The following PIK3C2G variants were observed in gnomAD, a reference collection of about 807,000 sequenced individuals.
PIK3C2G encodes phosphatidylinositol 3-kinase C2 domain-containing subunit gamma.
A neutral mutation model predicts 181.1 loss-of-function variants in PIK3C2G; 168 were observed. The ratio of observed to expected loss-of-function variants is 0.93; its 90% confidence interval spans 0.82 to 1.05. The LOEUF is 1.05. Ranked by LOEUF, PIK3C2G falls within the 50% of genes least tolerant of loss-of-function variation. PIK3C2G has a pLI of 0.00. For synonymous variants in PIK3C2G, 573 were observed against 592.2 expected (o/e 0.97, Z 0.47); for missense variants, 1,869 against 1,732.8 (o/e 1.08, Z -1.40).
intron 25 of PIK3C2G, among the ~76,000 whole-genome samples, chr12:18,542,515 G>T (rs1286713081): frequency 6.6e-6 from 1 of 151,692 alleles, no homozygotes; most frequent in East Asian, 1.9e-4. Flanking sequence ...CAGGTATTAA[G>T]CCCAGTACCC....
chr12:18,283,150 G>A (rs549019027), intron 2 of PIK3C2G, among the ~76,000 whole-genome samples: 1 of 152,106 alleles, frequency 6.6e-6, no homozygotes, highest in South Asian at 2.1e-4. Context: ...GAGTCACATT[G>A]TAATGATTTG....
chr12:18,635,900 G>A lies in PIK3C2G; in HGVS notation c.4183-4529G>A, dbSNP rs192314136. ...CATTGTGCCTCTTTCTTGGTTGTAG[G>A]AGAAGCCAGCTGCAACAACGTACCC... On this transcript the variant is annotated intron_variant, in intron 31 of 32. Coordinates refer to ENST00000538779, the MANE Select transcript of PIK3C2G (RefSeq NM_001288772.2). 3.3e-4 allele frequency among the ~76,000 whole-genome samples: 51 copies of A among 152,286 alleles called. 2 individuals carry two copies. The East Asian group carries it at 6.6e-3, about 20-fold the overall frequency.
At chr12:18,364,789 A>G (rs935200643) in intron 12 of PIK3C2G, among the ~76,000 whole-genome samples, 2 of 152,002 alleles carry the variant, frequency 1.3e-5, no homozygotes, top group Admixed American at 6.6e-5. Context: ...TCCCAGCCAC[A>G]CGGGAGGCTA....
intron 13 of PIK3C2G, among the ~76,000 whole-genome samples, chr12:18,376,628 T>A (rs947737289): frequency 1.3e-5 from 2 of 152,184 alleles, no homozygotes; most frequent in African/African-American, 4.8e-5. Flanking sequence ...GGCAGAGTAA[T>A]ATAGTTTGGA....
chr12:18,488,332 A>T, intron 18 of PIK3C2G, 117 bp from the exon 19 acceptor site: 1 of 530,426 alleles, frequency 1.9e-6, no homozygotes, highest in Non-Finnish European at 3.0e-6. Flanking sequence ...CTAGGTTGTT[A>T]AACTGCCCAA....
At chr12:18,557,638 A>C (rs1354793550) in intron 26 of PIK3C2G, among the ~76,000 whole-genome samples, 1 of 152,166 alleles carries the variant, frequency 6.6e-6, no homozygotes, top group African/African-American at 2.4e-5. Context: ...GTTTCTTAGC[A>C]GTGCAGAGTG....
At chr12:18,318,929 T>C (rs573448538) in intron 6 of PIK3C2G, among the ~76,000 whole-genome samples, 300 of 151,762 alleles carry the variant, frequency 2.0e-3, no homozygotes, top group African/African-American at 7.0e-3. Flanking sequence ...ACCCCATCTA[T>C]ACAAAAATAG....
the PIK3C2G span, among the ~76,000 whole-genome samples, chr12:18,704,209 A>C: frequency 5.3e-5 from 8 of 152,338 alleles, no homozygotes; most frequent in South Asian, 1.7e-3. Flanking sequence ...ATCAGTAAGA[A>C]AATCTTTGAT....
chr12:18,334,723 T>C (rs1009485142), intron 8 of PIK3C2G, among the ~76,000 whole-genome samples: 1 of 152,114 alleles, frequency 6.6e-6, no homozygotes, highest in African/African-American at 2.4e-5. Flanking sequence ...CCTTTGTTAT[T>C]TCTTGAAATA....
chr12:18,615,369 G>GTA (rs376971618), intron 31 of PIK3C2G, among the ~76,000 whole-genome samples: 1 of 70,648 alleles, frequency 1.4e-5, no homozygotes, highest in South Asian at 6.0e-4. Context: ...GTGTGTGTGT[G>GTA]TATGTGTATA....
At chr12:18,291,797 G>T (rs1355417317) in intron 4 of PIK3C2G, among the ~76,000 whole-genome samples, 2 of 151,376 alleles carry the variant, frequency 1.3e-5, no homozygotes, top group Non-Finnish European at 2.9e-5. Context: ...CTCAGCTAAT[G>T]CAGATGACTC....
intron 29 of PIK3C2G, among the ~76,000 whole-genome samples, chr12:18,578,857 T>C (rs1946354325): frequency 6.6e-6 from 1 of 152,102 alleles, no homozygotes; most frequent in African/African-American, 2.4e-5. Flanking sequence ...GAGATTTAAC[T>C]TGAATCTATA....
the PIK3C2G span, among the ~76,000 whole-genome samples, chr12:18,689,526 G>A: frequency 6.6e-6 from 1 of 152,076 alleles, no homozygotes; most frequent in African/African-American, 2.4e-5. Flanking sequence ...TTCCAACGTG[G>A]CCCAGGGAAG....
intron 15 of PIK3C2G, among the ~76,000 whole-genome samples, chr12:18,393,300 G>A (rs11044070): frequency 0.13 from 19,515 of 151,982 alleles, 1,300 homozygotes; most frequent in African/African-American, 0.16. Context: ...AATGATCAGT[G>A]TGGTGCAGTT....
chr12:18,325,889 C>G (rs1397189975), intron 8 of PIK3C2G, among the ~76,000 whole-genome samples: 1 of 151,924 alleles, frequency 6.6e-6, no homozygotes, highest in Non-Finnish European at 1.5e-5. Context: ...CTTTTATGGC[C>G]AGTTTTATGA....
chr12:18,652,046 G>T (rs774723017), downstream of PIK3C2G, among the ~76,000 whole-genome samples: 46 of 152,214 alleles, frequency 3.0e-4, no homozygotes, highest in Non-Finnish European at 5.9e-4. Flanking sequence ...TTAGTTTTAC[G>T]TATAACTTTT....
intron 24 of PIK3C2G, among the ~76,000 whole-genome samples, chr12:18,530,592 G>C (rs1355211420): frequency 6.6e-6 from 1 of 152,114 alleles, no homozygotes; most frequent in Non-Finnish European, 1.5e-5. Flanking sequence ...ACAATGACCT[G>C]ATATGGCTTG....
the PIK3C2G span, chr12:18,684,290 A>T: frequency 6.3e-7 from 1 of 1,591,592 alleles, no homozygotes; most frequent in African/African-American, 1.3e-5. Flanking sequence ...CTGAAATATA[A>T]AAAAAGAAGA....
At chr12:18,326,757 G>A (rs1951363738) in intron 8 of PIK3C2G, among the ~76,000 whole-genome samples, 1 of 152,112 alleles carries the variant, frequency 6.6e-6, no homozygotes, top group South Asian at 2.1e-4. Flanking sequence ...CATGTAGAAT[G>A]TGAAACTTAC....
Sources: allele counts gnomAD v4.1 joint callset (sites outside exome capture counted in the v4.1 genomes callset), GRCh38; gene constraint gnomAD v4.1.1; transcripts MANE v1.5; gene names NCBI Gene and HGNC (gene_info 2026-07-23, HGNC 2026-07-21).